NTN4: variants seen among roughly 807,000 people sequenced by gnomAD.
NTN4 encodes netrin-4.
NTN4 carries 32 observed loss-of-function variants against 73.6 expected under a neutral mutation model. The ratio of observed to expected loss-of-function variants is 0.44; its 90% CI spans 0.33 to 0.58. The LOEUF (loss-of-function observed/expected upper bound fraction) is 0.58. Among genes scored for constraint, NTN4 ranks in the 20% least tolerant of loss-of-function variants. NTN4 has a pLI of 0.04. For synonymous variants in NTN4, 258 were observed against 287.5 expected (o/e 0.90, Z 1.04); for missense variants, 654 against 798.3 (o/e 0.82, Z 2.18).
chr12:95,672,044 G>A (rs1472430334), intron 7 of NTN4, among the ~76,000 whole-genome samples: 1 of 147,984 alleles, frequency 6.8e-6, no homozygotes, highest in Non-Finnish European at 1.5e-5. Flanking sequence ...TGAGCAGCCA[G>A]GTGTGGTGAC....
At chr12:95,729,830 C>T (rs2121147911) in intron 3 of NTN4, among the ~76,000 whole-genome samples, 1 of 152,150 alleles carries the variant, frequency 6.6e-6, no homozygotes, top group Non-Finnish European at 1.5e-5. Context: ...AATGAAATAC[C>T]ATGGAGACAC....
chr12:95,730,762 G>C (rs2078731413), intron 3 of NTN4, among the ~76,000 whole-genome samples: 1 of 152,210 alleles, frequency 6.6e-6, no homozygotes, highest in Non-Finnish European at 1.5e-5. Context: ...TAACACAGGA[G>C]CACTGAAATA....
rs762786079 is a variant in NTN4, at chr12:95,713,163, C to T, written c.991+49G>A. Reference sequence around the variant, plus strand: ...AGAGACAACAAGGAGTCCACAGATGCGTTGACTTTACAAAGAAAGCTTTTG... The same window carrying T: ...AGAGACAACAAGGAGTCCACAGATGTGTTGACTTTACAAAGAAAGCTTTTG... On this transcript the variant is annotated intron_variant, in intron 4 of 9. Transcript: ENST00000343702. The T allele has an allele frequency of 6.0e-5, 96 of 1,588,146 alleles. No homozygotes were observed. The East Asian group carries it at 6.6e-4, about 11-fold the overall frequency.
chr12:95,686,093 A>G (rs2078359092), intron 5 of NTN4, among the ~76,000 whole-genome samples: 1 of 151,896 alleles, frequency 6.6e-6, no homozygotes, highest in African/African-American at 2.4e-5. Context: ...GGGTATCACT[A>G]TGTTGCTCAG....
intron 2 of NTN4, among the ~76,000 whole-genome samples, chr12:95,754,396 G>A (rs538685104): frequency 3.4e-4 from 51 of 151,838 alleles, no homozygotes; most frequent in African/African-American, 1.2e-3. Context: ...AAAAATTTTC[G>A]CCGCCCCAAT....
intron 2 of NTN4, among the ~76,000 whole-genome samples, chr12:95,774,450 G>A (rs372197731): frequency 2.2e-4 from 34 of 152,286 alleles, no homozygotes; most frequent in African/African-American, 8.2e-4. Flanking sequence ...GCTATTAGCA[G>A]CCATCATGAC....
At chr12:95,708,664 C>A (rs1424380369) in intron 5 of NTN4, among the ~76,000 whole-genome samples, 1 of 152,152 alleles carries the variant, frequency 6.6e-6, no homozygotes. Context: ...CCACCTCAGC[C>A]TCCCAGAGTG....
chr12:95,714,954 C>T lies in NTN4; in HGVS notation c.865-1616G>A, dbSNP rs148321298. On this transcript the variant is annotated intron_variant, in intron 3 of 9. Coordinates refer to ENST00000343702, the MANE Select transcript of NTN4 (RefSeq NM_021229.4). ...TCAACAAACCTGAAAACAGCCACAC[C>T]GATACACTGATATACTACTGCTTGA... Among the ~76,000 whole-genome samples the T allele has an allele frequency of 1.7e-3, 255 of 152,158 alleles. 1 individual carries two copies. Among genetic ancestry groups the T allele is most frequent in the Non-Finnish European group, 2.1e-3 (145 of 67,988 alleles).
chr12:95,660,352 G>A (rs2078127583), intron 9 of NTN4, among the ~76,000 whole-genome samples: 1 of 152,048 alleles, frequency 6.6e-6, no homozygotes, highest in African/African-American at 2.4e-5. Context: ...AAGCATTTGG[G>A]AAAACATATA....
chr12:95,706,444 A>T (rs2078522730), intron 5 of NTN4, among the ~76,000 whole-genome samples: 1 of 152,212 alleles, frequency 6.6e-6, no homozygotes, highest in African/African-American at 2.4e-5. Context: ...CTATCTTATG[A>T]CTTTACAAAG....
chr12:95,762,005 A>G (rs550577896), intron 2 of NTN4, among the ~76,000 whole-genome samples: 92 of 152,050 alleles, frequency 6.1e-4, no homozygotes, highest in Middle Eastern at 3.5e-3. Flanking sequence ...ATATATATAC[A>G]TATATATTAT....
At position 95,787,180 on chromosome 12, in the gene NTN4, T is replaced by G. The variant is rs1180202264; in HGVS notation, c.344A>C (p.Glu115Ala). 6.2e-7 allele frequency: 1 copy of G among 1,614,092 alleles called. No individual in the cohort carries two copies. Among genetic ancestry groups the G allele is most frequent in the African/African-American group, 1.3e-5 (1 of 74,938 alleles). The stretch of plus-strand genomic sequence containing the variant: ...AGCTTCCAGGTCTAACTGGATCTTT[T>G]CTCTGTGCACATCCTCCGCAGACTG... ...WWQSAEDVHREKIQLDLEAEF... is the reference protein window; with the variant it reads ...WWQSAEDVHRAKIQLDLEAEF... Residue 115 changes from glutamate (E) to alanine (A), a missense_variant, in exon 2 of 10, where the codon GAA becomes GCA. Coordinates refer to ENST00000343702, the MANE Select transcript of NTN4 (RefSeq NM_021229.4).
At chr12:95,682,635 C>G in intron 7 of NTN4, 72 bp downstream of exon 7, 1 of 992,130 alleles carries the variant, frequency 1.0e-6, no homozygotes, top group Non-Finnish European at 1.6e-6. Context: ...AAAGCTGGAC[C>G]CTGGTTTGTC....
intron 5 of NTN4, among the ~76,000 whole-genome samples, chr12:95,689,799 C>A (rs1293781154): frequency 1.3e-5 from 2 of 152,186 alleles, no homozygotes; most frequent in African/African-American, 4.8e-5. Flanking sequence ...TTTACCCTTT[C>A]TTTGTAACCC....
Position 95,713,211 on chromosome 12 carries a change from C to G in NTN4, c.991+1G>C. 1 of 1,612,558 alleles carries G rather than the reference C, an allele frequency of 6.2e-7. No homozygotes were observed. The highest frequency in any genetic ancestry group is 8.5e-7 in the Non-Finnish European group (1 of 1,178,754). ...TTGAGTATCGTGGGCTTGTTACTTACTTCTGCACTCGTTGGGAGCCCCCGT... is the reference window on the plus strand; with the variant it reads ...TTGAGTATCGTGGGCTTGTTACTTAGTTCTGCACTCGTTGGGAGCCCCCGT... On this transcript the variant is annotated splice_donor_variant, in intron 4 of 9. Coordinates refer to ENST00000343702, the MANE Select transcript of NTN4 (RefSeq NM_021229.4). LOFTEE classifies it high-confidence loss of function.
intron 2 of NTN4, among the ~76,000 whole-genome samples, chr12:95,786,245 G>A (rs2079166490): frequency 6.6e-6 from 1 of 152,108 alleles, no homozygotes; most frequent in Non-Finnish European, 1.5e-5. Flanking sequence ...TGAGGGTTGG[G>A]GGGAGCCTTT....
At chr12:95,679,351 T>C (rs1245017678) in intron 7 of NTN4, among the ~76,000 whole-genome samples, 1 of 152,216 alleles carries the variant, frequency 6.6e-6, no homozygotes, top group East Asian at 1.9e-4. Context: ...CATTCATGTA[T>C]AGAAACTTGA....
chr12:95,789,638 C>A lies in NTN4; in HGVS notation c.55+617G>T, dbSNP rs1455566539. On this transcript the variant is annotated intron_variant, in intron 1 of 9. Transcript: ENST00000343702. The surrounding 1 kb of genome is among the most constrained non-coding windows in gnomAD (Gnocchi z 4.0). Reference sequence around the variant, plus strand: ...CCGCCTCCGACCTCCCGCAGAGTCTCTGCCAGGGTACCAATTCCCCAGGGG... The same window carrying A: ...CCGCCTCCGACCTCCCGCAGAGTCTATGCCAGGGTACCAATTCCCCAGGGG... 1 of 152,652 alleles carries A rather than the reference C, an allele frequency of 6.6e-6. No homozygotes were observed. The highest frequency in any genetic ancestry group is 1.5e-5 in the Non-Finnish European group (1 of 68,392). 9.5% of individuals were successfully genotyped at this position (152,652 alleles called of 1,614,324 possible).
chr12:95,700,513 C>A (rs907609982), intron 5 of NTN4, among the ~76,000 whole-genome samples: 1 of 152,180 alleles, frequency 6.6e-6, no homozygotes, highest in East Asian at 1.9e-4. Context: ...GTTTGGGAAC[C>A]AATGACTTGA....
Sources: gnomAD v4.1 joint callset for allele counts (sites outside exome capture counted in the v4.1 genomes callset) on GRCh38, gnomAD v4.1.1 for gene constraint, Gnocchi (gnomAD v3.1) non-coding constraint, MANE v1.5 for transcripts, NCBI Gene and HGNC (gene_info 2026-07-23, HGNC 2026-07-21) for gene names.